SETD1A: variants seen among roughly 807,000 people sequenced by gnomAD.
SETD1A encodes the protein histone-lysine N-methyltransferase SETD1A.
Under a neutral mutation model 149.9 loss-of-function variants are expected in SETD1A, and 29 were observed. That is an observed-to-expected ratio of 0.19 (90% CI 0.14 to 0.26). The LOEUF (loss-of-function observed/expected upper bound fraction) is 0.26, where lower values mean the gene tolerates loss of function less well. Ranked by LOEUF, SETD1A falls within the 10% of genes least tolerant of loss-of-function variation. The probability of loss-of-function intolerance (pLI) is 1.00; values close to 1 mark genes in which losing one functional copy is unlikely to be tolerated. For synonymous variants in SETD1A, 1,141 were observed against 968.5 expected (o/e 1.18, Z -3.31); for missense variants, 2,109 against 2,353.1 (o/e 0.90, Z 2.15).
intron 11 of SETD1A, 26 bp from the exon 12 acceptor site, chr16:30,969,576 A>T (rs752463546): frequency 1.9e-6 from 3 of 1,609,018 alleles, no homozygotes; most frequent in South Asian, 2.2e-5. Flanking sequence ...CCTTCCTGTT[A>T]GTCCTCATTT....
chr16:30,970,616 C>T (rs940060076), intron 12 of SETD1A, among the ~76,000 whole-genome samples: 2 of 152,118 alleles, frequency 1.3e-5, no homozygotes, highest in Admixed American at 6.6e-5. Context: ...CTGTCCTTCT[C>T]CCTCTGTTCC....
intron 12 of SETD1A, among the ~76,000 whole-genome samples, chr16:30,970,425 A>G (rs543529567): frequency 2.6e-5 from 4 of 151,512 alleles, no homozygotes; most frequent in East Asian, 3.9e-4. Flanking sequence ...GAGCCACCAC[A>G]CCTGGCTAAT....
At position 30,982,069 on chromosome 16, in the gene SETD1A, T is replaced by TG. The variant is rs113521946; in HGVS notation, c.4812+890dup. Reference sequence around the variant, plus strand: ...GCCTAAGACCTTCCAGAGACCATGGTGCTTGAGTAAAGCTGAAAGGAGCTC... The same window carrying TG: ...GCCTAAGACCTTCCAGAGACCATGGTGGCTTGAGTAAAGCTGAAAGGAGCTC... On this transcript the variant is annotated intron_variant, in intron 17 of 18. Transcript: ENST00000262519. 7.5e-3 allele frequency among the ~76,000 whole-genome samples: 1,137 copies of TG among 152,326 alleles called. 9 individuals carry two copies. The highest frequency in any genetic ancestry group is 0.018 in the African/African-American group (752 of 41,572).
At chr16:30,978,948 C>T (rs1301340904) in intron 13 of SETD1A, among the ~76,000 whole-genome samples, 197 bp from the exon 14 acceptor site, 1 of 152,190 alleles carries the variant, frequency 6.6e-6, no homozygotes, top group Non-Finnish European at 1.5e-5. Flanking sequence ...ACAGCGGGAA[C>T]GAATGGGTGG....
At chr16:30,960,840 A>G (rs2056043409) in intron 3 of SETD1A, among the ~76,000 whole-genome samples, 2 of 139,530 alleles carry the variant, frequency 1.4e-5, no homozygotes, top group East Asian at 4.4e-4. Flanking sequence ...GGTTCAAGTG[A>G]TTCTCCTGCC....
At position 30,958,901 on chromosome 16, in the gene SETD1A, G is replaced by T. The variant is rs1398668795; in HGVS notation, c.150+20G>T. 2 of 1,613,484 alleles carry T rather than the reference G, an allele frequency of 1.2e-6. No homozygotes were observed. Among genetic ancestry groups the T allele is most frequent in the Non-Finnish European group, 1.7e-6 (2 of 1,179,508 alleles). ...GTCAACGTGAGTGCCCGGGTCTTTG[G>T]TTGCCATCCGGGGAGCTCCAGGCGC... On this transcript the variant is annotated intron_variant, in intron 2 of 18. Coordinates refer to ENST00000262519, the MANE Select transcript of SETD1A (RefSeq NM_014712.3).
At position 30,979,988 on chromosome 16, in the gene SETD1A, G is replaced by GCCGGC; in HGVS notation, c.4205_4206insGCCCG (p.Pro1404AlafsTer23). ...AGCCTCCGCTCCCACGCCCGGCGCC[G>GCCGGC]CCGCCCTCCGCCCCCACCCCCGCCG... On this transcript the variant is annotated frameshift_variant, in exon 14 of 19. Transcript: ENST00000262519. LOFTEE classifies it high-confidence loss of function. 6.7e-7 allele frequency: 1 copy of GCCGGC among 1,494,250 alleles called. No homozygotes were observed. The highest frequency in any genetic ancestry group is 8.9e-7 in the Non-Finnish European group (1 of 1,126,968). 92.6% of individuals were successfully genotyped at this position (1,494,250 alleles called of 1,614,324 possible). A position where few individuals can be genotyped will look rare whatever the true frequency, so the allele number is the denominator to read the frequency against.
rs1250848319 is a variant in SETD1A, at chr16:30,980,588, G to A, written c.4512G>A (p.Lys1504=). 6.2e-7 allele frequency: 1 copy of A among 1,614,110 alleles called. No homozygotes were observed. The highest frequency in any genetic ancestry group is 8.5e-7 in the Non-Finnish European group (1 of 1,180,038). The part of the protein sequence containing the change: ...ARSEGYYPIS[K]KEKDKYLDVC... ...GCGAAGGCTACTACCCCATCAGCAA[G>A]AAGGAGAAGGACAAGTACCTGGACG... Residue 1504 remains lysine, a synonymous_variant, in exon 15 of 19, where the codon AAG becomes AAA. Transcript: ENST00000262519. This position sits in a 1 kb window ranked among gnomAD's most constrained non-coding sequence, Gnocchi z 7.7.
chr16:30,973,570 G>A (rs1175182255), intron 13 of SETD1A, among the ~76,000 whole-genome samples: 4 of 152,106 alleles, frequency 2.6e-5, no homozygotes, highest in African/African-American at 7.2e-5. Flanking sequence ...CACGAGAATC[G>A]CTTGAACCCG....
intron 12 of SETD1A, among the ~76,000 whole-genome samples, chr16:30,970,658 T>A (rs1351234832): frequency 2.0e-5 from 3 of 152,164 alleles, no homozygotes; most frequent in Admixed American, 2.0e-4. Context: ...ATAGAATCTC[T>A]TTCCTAAAAT....
In SETD1A at chr16:30,961,770, TAA is replaced by T. The variant is rs112861038; in HGVS notation, c.517+247_517+248del. Among the ~76,000 whole-genome samples, 4 of 140,742 alleles carry T rather than the reference TAA, an allele frequency of 2.8e-5. No individual in the cohort carries two copies. The highest frequency in any genetic ancestry group is 3.1e-5 in the Non-Finnish European group (2 of 64,350). 92.3% of individuals were successfully genotyped at this position (140,742 alleles called of 152,430 possible). On this transcript the variant is annotated intron_variant, in intron 4 of 18. Coordinates refer to ENST00000262519, the MANE Select transcript of SETD1A (RefSeq NM_014712.3). This position sits in a 1 kb window ranked among gnomAD's most constrained non-coding sequence, Gnocchi z 4.0. ...CCATAATCAAGCACATAACTATCTGTAAAAAAAAAAAAAAATCATATGAAGGG... is the reference window on the plus strand; with the variant it reads ...CCATAATCAAGCACATAACTATCTGTAAAAAAAAAAAAATCATATGAAGGG...
chr16:30,978,151 G>A (rs2056309200), intron 13 of SETD1A, among the ~76,000 whole-genome samples: 2 of 151,950 alleles, frequency 1.3e-5, no homozygotes, highest in Admixed American at 6.6e-5. Context: ...GTGCATGCCT[G>A]TAGTCCCAGC....
chr16:30,979,248 C>T lies in SETD1A; in HGVS notation c.3462C>T (p.Pro1154=). ...APRPDERPSS[P]IPLLPPPKKR... is the part of the protein sequence containing the mutation. ...GCCCCGATGAGCGTCCCTCTTCTCC[C>T]ATCCCCCTCCTGCCCCCACCCAAGA... The change falls in exon 14 of 19, where the codon CCC becomes CCT. Residue 1154 remains proline, a synonymous_variant. Coordinates refer to ENST00000262519, the MANE Select transcript of SETD1A (RefSeq NM_014712.3). The T allele has an allele frequency of 6.2e-7, 1 of 1,608,776 alleles. No individual in the cohort carries two copies. Among genetic ancestry groups the T allele is most frequent in the Non-Finnish European group, 8.5e-7 (1 of 1,177,098 alleles).
rs959815245 is a variant in SETD1A, at chr16:30,983,273, C to T, written c.4813-362C>T. Among the ~76,000 whole-genome samples the T allele has an allele frequency of 5.3e-5, 8 of 152,254 alleles. No individual in the cohort carries two copies. The highest frequency in any genetic ancestry group is 3.4e-3 in the Middle Eastern group (1 of 294). On this transcript the variant is annotated intron_variant, in intron 17 of 18. Transcript: ENST00000262519. This position sits in a 1 kb window ranked among gnomAD's most constrained non-coding sequence, Gnocchi z 6.8. ...CAGGGAGGAGAGATGAGCAGGGTGC[C>T]GTTGGTGACATGGCCAGTCATTTCA...
intron 13 of SETD1A, among the ~76,000 whole-genome samples, chr16:30,972,146 G>A (rs375710859): frequency 2.6e-5 from 4 of 152,138 alleles, no homozygotes; most frequent in African/African-American, 4.8e-5. Flanking sequence ...TCATTTGTAC[G>A]TCTAGTTGTT....
intron 10 of SETD1A, among the ~76,000 whole-genome samples, chr16:30,968,437 TACAC>T (rs2056179144): frequency 7.0e-6 from 1 of 143,710 alleles, no homozygotes; most frequent in Admixed American, 7.1e-5. Context: ...TATATATATG[TACAC>T]ACACATATGT....
rs750495271 is a variant in SETD1A, at chr16:30,971,493, C to T, written c.3132C>T (p.Ser1044=). Residue 1044 remains serine (S), a synonymous_variant, in exon 13 of 19, where the codon TCC becomes TCT. Transcript: ENST00000262519. ...ESSSSSSSSS[S]SSSSSSSSSS... ...GCAGCTCTTCCAGCTCCTCATCCTCCTCCTCCTCCTCGTCCTCATCCTCCT... is the reference window on the plus strand; with the variant it reads ...GCAGCTCTTCCAGCTCCTCATCCTCTTCCTCCTCCTCGTCCTCATCCTCCT... 1.9e-6 allele frequency: 3 copies of T among 1,613,826 alleles called. No homozygotes were observed. Among genetic ancestry groups the T allele is most frequent in the Non-Finnish European group, 8.5e-7 (1 of 1,179,800 alleles).
chr16:30,961,156 C>T lies in SETD1A; in HGVS notation c.247-111C>T, dbSNP rs1365209262. ...ATTTTGGGCCCCTTCCCTTGCCCCT[C>T]ACTTTCCCGGATCTCTCTCTTGACT... On this transcript the variant is annotated intron_variant, in intron 3 of 18. Transcript: ENST00000262519. The surrounding 1 kb of genome is among the most constrained non-coding windows in gnomAD (Gnocchi z 4.0). The T allele has an allele frequency of 2.6e-6, 3 of 1,141,184 alleles. No homozygotes were observed. Among genetic ancestry groups the T allele is most frequent in the Admixed American group, 2.1e-5 (1 of 46,622 alleles). The allele number at this position is 1,141,184 out of a possible 1,614,324, so 70.7% of individuals were successfully genotyped here.
chr16:30,963,220 G>T (rs991542246), intron 4 of SETD1A, among the ~76,000 whole-genome samples: 1 of 152,136 alleles, frequency 6.6e-6, no homozygotes, highest in Non-Finnish European at 1.5e-5. Flanking sequence ...TTGATAAATC[G>T]TGAAGTGTCA....
Sources: gnomAD v4.1 joint callset for allele counts (sites outside exome capture counted in the v4.1 genomes callset) on GRCh38, gnomAD v4.1.1 for gene constraint, Gnocchi (gnomAD v3.1) non-coding constraint, MANE v1.5 for transcripts, NCBI Gene and HGNC (gene_info 2026-07-23, HGNC 2026-07-21) for gene names.